The following TTLL9 variants were observed in gnomAD, a reference collection of about 807,000 sequenced individuals.
The protein encoded by TTLL9 is probable tubulin polyglutamylase TTLL9.
Under a neutral mutation model 65.6 loss-of-function variants are expected in TTLL9, and 47 were observed. The observed-to-expected ratio is 0.72, with a 90% CI of 0.57 to 0.91. TTLL9 has a LOEUF of 0.91. Among genes scored for constraint, TTLL9 ranks in the 40% least tolerant of loss-of-function variants. The pLI is 0.00. For missense variants in TTLL9, 537 were observed against 568.8 expected (o/e 0.94, Z 0.57); for synonymous variants, 179 against 204.8 (o/e 0.87, Z 1.07).
chr20:31,879,873 G>A (rs776818832), intron 2 of TTLL9: 1 of 1,550,460 alleles, frequency 6.4e-7, no homozygotes, highest in Non-Finnish European at 8.7e-7. Flanking sequence ...GGCCCCTGGG[G>A]AATCGCGTTA....
Position 31,898,498 on chromosome 20 carries a change from A to G in TTLL9, c.139A>G (p.Lys47Glu). The G allele has an allele frequency of 6.2e-7, 1 of 1,614,208 alleles. No homozygotes were observed. Among genetic ancestry groups the G allele is most frequent in the Non-Finnish European group, 8.5e-7 (1 of 1,180,040 alleles). Residue 47 changes from lysine to glutamate, a missense_variant, in exon 4 of 15, where the codon AAG becomes GAG. Around this residue, in one of 3 missense-constraint regions of TTLL9, gnomAD observed 320 missense variants for 311.0 expected, o/e 1.03. Transcript: ENST00000535842. ...EREQRASIRF[K>E]TTLMNTLMDV... is the part of the protein sequence containing the mutation. ...AGAGCAGAGAGCATCGATCCGGTTC[A>G]AGACCACCCTCATGAACACACTCAT...
chr20:31,921,921 A>G (rs1219318869), intron 7 of TTLL9, among the ~76,000 whole-genome samples: 3 of 152,146 alleles, frequency 2.0e-5, no homozygotes, highest in East Asian at 1.9e-4. Flanking sequence ...ATGTATACAT[A>G]TGTAACAAAA....
intron 10 of TTLL9, among the ~76,000 whole-genome samples, chr20:31,929,618 T>G (rs1202108242): frequency 6.6e-6 from 1 of 152,156 alleles, no homozygotes; most frequent in Non-Finnish European, 1.5e-5. Context: ...AATGAAAATA[T>G]TCCACTGAGT....
At chr20:31,884,221 A>C in intron 2 of TTLL9, 1 of 299,028 alleles carries the variant, frequency 3.3e-6, no homozygotes, top group East Asian at 4.2e-5. Context: ...TATAGTTATT[A>C]TTTATTTATT....
rs190328647 is a variant in TTLL9, at chr20:31,891,435, A to G, written c.113+4196A>G. Among the ~76,000 whole-genome samples the G allele has an allele frequency of 2.6e-5, 4 of 151,510 alleles. No individual in the cohort carries two copies. In the South Asian group the frequency reaches 8.3e-4, roughly 32 times the overall value. On this transcript the variant is annotated intron_variant, in intron 3 of 14. Coordinates refer to ENST00000535842, the MANE Select transcript of TTLL9 (RefSeq NM_001008409.5). ...CTCTTTGTCGTTTCGGGTCTATTGCATGTATTTTTAGTAGTTCATGTTGTC... is the reference window on the plus strand; with the variant it reads ...CTCTTTGTCGTTTCGGGTCTATTGCGTGTATTTTTAGTAGTTCATGTTGTC...
chr20:31,930,883 T>C (rs1431359482), intron 10 of TTLL9, among the ~76,000 whole-genome samples: 1 of 152,130 alleles, frequency 6.6e-6, no homozygotes, highest in African/African-American at 2.4e-5. Context: ...GGCTCTGAGG[T>C]TGGCTGACCC....
chr20:31,918,620 A>G (rs1342245368), intron 6 of TTLL9, among the ~76,000 whole-genome samples: 2 of 152,194 alleles, frequency 1.3e-5, no homozygotes, highest in Non-Finnish European at 2.9e-5. Flanking sequence ...CTGAGCTTAA[A>G]TAATCCTCCT....
At chr20:31,891,295 A>G (rs1410218386) in intron 3 of TTLL9, among the ~76,000 whole-genome samples, 1 of 152,182 alleles carries the variant, frequency 6.6e-6, no homozygotes, top group Non-Finnish European at 1.5e-5. Flanking sequence ...GGTATGTCCA[A>G]TGTGCACCCC....
At chr20:31,912,625 G>A (rs1269097396) in intron 6 of TTLL9, among the ~76,000 whole-genome samples, 1 of 148,474 alleles carries the variant, frequency 6.7e-6, no homozygotes, top group African/African-American at 2.4e-5. Context: ...GTGTGTGTGT[G>A]TGTGTGTGTG....
chr20:31,942,915 A>G (rs771114066), intron 14 of TTLL9, 30 bp from the exon 15 acceptor site: 1 of 1,613,314 alleles, frequency 6.2e-7, no homozygotes. Flanking sequence ...AGCATAGGTC[A>G]TCCCAGCCAA....
chr20:31,887,705 C>T (rs1414395501), intron 3 of TTLL9, among the ~76,000 whole-genome samples: 1 of 152,160 alleles, frequency 6.6e-6, no homozygotes, highest in Non-Finnish European at 1.5e-5. Flanking sequence ...ACCCAGCACC[C>T]CTTTGGATCT....
chr20:31,919,828 G>A (rs1302663160), intron 6 of TTLL9, 36 bp from the exon 7 acceptor site: 1 of 1,559,020 alleles, frequency 6.4e-7, no homozygotes, highest in Non-Finnish European at 8.7e-7. Context: ...ACCACGCAGA[G>A]CTAAGAGCTG....
chr20:31,881,699 G>A (rs1054943628), intron 2 of TTLL9, among the ~76,000 whole-genome samples: 1 of 142,390 alleles, frequency 7.0e-6, no homozygotes, highest in African/African-American at 2.7e-5. Context: ...TCAACCTCTT[G>A]GGCTCTAGTG....
At position 31,893,053 on chromosome 20, in the gene TTLL9, T is replaced by C. The variant is rs144433767; in HGVS notation, c.114-5420T>C. Reference sequence around the variant, plus strand: ...CCTTCTGAATTTCCATCTGGTATAATTTTCCTGCAGCCCGAGGAACGTTCT... The same window carrying C: ...CCTTCTGAATTTCCATCTGGTATAACTTTCCTGCAGCCCGAGGAACGTTCT... On this transcript the variant is annotated intron_variant, in intron 3 of 14. Coordinates refer to ENST00000535842, the MANE Select transcript of TTLL9 (RefSeq NM_001008409.5). Among the ~76,000 whole-genome samples, 291 of 152,340 alleles carry C rather than the reference T, an allele frequency of 1.9e-3. 1 individual carries two copies. The highest frequency in any genetic ancestry group is 6.8e-3 in the African/African-American group (283 of 41,578).
chr20:31,879,877 C>T (rs1337702741), intron 2 of TTLL9: 3 of 1,550,418 alleles, frequency 1.9e-6, no homozygotes, highest in East Asian at 2.4e-5. Flanking sequence ...CCTGGGGAAT[C>T]GCGTTATGTC....
chr20:31,930,197 A>T (rs2063984493), intron 10 of TTLL9, among the ~76,000 whole-genome samples: 1 of 152,124 alleles, frequency 6.6e-6, no homozygotes, highest in African/African-American at 2.4e-5. Flanking sequence ...CCAACTCCCC[A>T]GTCCTGGGGA....
chr20:31,908,583 A>T lies in TTLL9; in HGVS notation c.207-8A>T, dbSNP rs775292113. The T allele has an allele frequency of 3.3e-6, 5 of 1,532,966 alleles. No individual in the cohort carries two copies. Among genetic ancestry groups the T allele is most frequent in the Non-Finnish European group, 4.5e-6 (5 of 1,108,206 alleles). 95.0% of individuals were successfully genotyped at this position (1,532,966 alleles called of 1,614,324 possible). On this transcript the variant is annotated splice_region_variant and splice_polypyrimidine_tract_variant and intron_variant, in intron 4 of 14. Coordinates refer to ENST00000535842, the MANE Select transcript of TTLL9 (RefSeq NM_001008409.5). ...TGACCTTTATCCCCGCCCCCACCCC[A>T]CCCCCAGCGAAGGGGAGTGGGATTT... is the stretch of plus-strand genomic sequence containing the variant.
chr20:31,908,310 C>A (rs574964392), intron 4 of TTLL9, among the ~76,000 whole-genome samples: 1 of 152,290 alleles, frequency 6.6e-6, no homozygotes, highest in East Asian at 1.9e-4. Context: ...GGGGTGGCTG[C>A]TCCTCAGCCC....
chr20:31,904,144 G>A (rs1457484106), intron 4 of TTLL9, among the ~76,000 whole-genome samples: 3 of 152,140 alleles, frequency 2.0e-5, no homozygotes, highest in Admixed American at 6.6e-5. Flanking sequence ...GGAACTCATC[G>A]GGGGTTTGTG....
Sources: gnomAD v4.1 joint callset for allele counts (sites outside exome capture counted in the v4.1 genomes callset) on GRCh38, gnomAD v4.1.1 for gene constraint, gnomAD v4.1.1 regional missense constraint, MANE v1.5 for transcripts, NCBI Gene and HGNC (gene_info 2026-07-23, HGNC 2026-07-21) for gene names.